Variants in MYCBP2 observed in about 807,000 individuals in gnomAD.
MYCBP2 encodes the protein E3 ubiquitin-protein ligase MYCBP2.
MYCBP2 carries 120 observed loss-of-function variants against 525.3 expected under a neutral mutation model. The ratio of observed to expected loss-of-function variants is 0.23; its 90% confidence interval spans 0.20 to 0.27. The LOEUF is 0.27. Ranked by LOEUF, MYCBP2 falls within the 10% of genes least tolerant of loss-of-function variation. The probability of loss-of-function intolerance (pLI) is 1.00; values close to 1 mark genes in which losing one functional copy is unlikely to be tolerated. For missense variants in MYCBP2, 4,149 were observed against 5,657.1 expected, an observed-to-expected ratio of 0.73 and a Z score of 8.55; for synonymous variants, 1,894 against 1,955.8, an observed-to-expected ratio of 0.97 and a Z score of 0.83.
intron 65 of MYCBP2, among the ~76,000 whole-genome samples, chr13:77,079,678 T>C (rs868092694): frequency 6.6e-5 from 10 of 152,250 alleles, no homozygotes; most frequent in African/African-American, 2.2e-4. Context: ...CTAGAAGTGT[T>C]TTGGATTAGG....
intron 55 of MYCBP2, among the ~76,000 whole-genome samples, chr13:77,112,605 T>A (rs188621957): frequency 2.0e-3 from 301 of 151,748 alleles, no homozygotes; most frequent in Non-Finnish European, 3.0e-3. Flanking sequence ...TTTAAAAAAA[T>A]TTTTCTTAAT....
At position 77,273,612 on chromosome 13, in the gene MYCBP2, T is replaced by C. The variant is rs2075159936; in HGVS notation, c.805A>G (p.Ser269Gly). The C allele has an allele frequency of 6.3e-7, 1 of 1,594,266 alleles. No homozygotes were observed. Among genetic ancestry groups the C allele is most frequent in the East Asian group, 2.2e-5 (1 of 44,496 alleles). The change falls in exon 5 of 83, where the codon AGC becomes GGC. Residue 269 changes from serine to glycine, a missense_variant. Coordinates refer to ENST00000544440, the MANE Select transcript of MYCBP2 (RefSeq NM_015057.5). ...AGTGCTGTTAAGGACTGTCCTGTGC[T>C]GTCATTCATCCCAGTACTTCGAACG... ...ITVRSTGMND[S>G]TGQSLTALSC...
At chr13:77,177,585 G>A (rs1438658568) in intron 35 of MYCBP2, among the ~76,000 whole-genome samples, 163 bp downstream of exon 35, 2 of 152,020 alleles carry the variant, frequency 1.3e-5, no homozygotes, top group East Asian at 1.9e-4. Context: ...GCCTCTCAAA[G>A]AGCTGAGATT....
At chr13:77,311,147 A>G (rs1032827872) in intron 1 of MYCBP2, among the ~76,000 whole-genome samples, 6 of 152,208 alleles carry the variant, frequency 3.9e-5, no homozygotes, top group African/African-American at 1.2e-4. Context: ...TACAACCCAA[A>G]AGTTAAAATT....
At position 77,129,089 on chromosome 13, in the gene MYCBP2, A is replaced by T. The variant is rs561261529; in HGVS notation, c.7660-2547T>A. ...TTAATCTTAAGCAAAGGTTTTAAAG[A>T]CACAAAATTTGTTATACATGCTGAA... On this transcript the variant is annotated intron_variant, in intron 52 of 82. Coordinates refer to ENST00000544440, the MANE Select transcript of MYCBP2 (RefSeq NM_015057.5). 367 of 396,372 alleles carry T rather than the reference A, an allele frequency of 9.3e-4. 2 individuals carry two copies. The highest frequency in any genetic ancestry group is 7.1e-3 in the African/African-American group (347 of 48,646). 24.6% of individuals were successfully genotyped at this position (396,372 alleles called of 1,614,324 possible). A position where few individuals can be genotyped will look rare whatever the true frequency, so the allele number is the denominator to read the frequency against.
At chr13:77,077,495 G>A in intron 66 of MYCBP2, 108 bp from the exon 67 acceptor site, 1 of 1,333,474 alleles carries the variant, frequency 7.5e-7, no homozygotes, top group Non-Finnish European at 1.0e-6. Context: ...GAATTGCACA[G>A]AGTAAAGGTT....
rs149484278 is a variant in MYCBP2 at position 77,183,020 on chromosome 13, T to C, written c.4720-1098A>G. 1.5e-3 allele frequency among the ~76,000 whole-genome samples: 234 copies of C among 152,296 alleles called. 1 individual carries two copies. Among genetic ancestry groups the C allele is most frequent in the African/African-American group, 5.4e-3 (226 of 41,564 alleles). On this transcript the variant is annotated intron_variant, in intron 32 of 82. Coordinates refer to ENST00000544440, the MANE Select transcript of MYCBP2 (RefSeq NM_015057.5). ...TGTTCCTGTAGCTATATGGAGGAAA[T>C]CATCAATTTGCCTTCTTTTTTCAGT... is the stretch of plus-strand genomic sequence containing the variant.
intron 65 of MYCBP2, chr13:77,080,519 C>G (rs2043120451): frequency 6.6e-6 from 1 of 152,000 alleles, no homozygotes; most frequent in African/African-American, 2.4e-5. Context: ...TTGTTTAGTG[C>G]CTTTTATAAA....
intron 13 of MYCBP2, among the ~76,000 whole-genome samples, chr13:77,260,056 T>C (rs962799985): frequency 1.3e-5 from 2 of 152,082 alleles, no homozygotes; most frequent in Non-Finnish European, 2.9e-5. Flanking sequence ...AACACCCTAA[T>C]GGGGGAGATA....
intron 55 of MYCBP2, among the ~76,000 whole-genome samples, chr13:77,116,718 T>A (rs1209698652): frequency 1.3e-5 from 2 of 152,034 alleles, no homozygotes; most frequent in African/African-American, 4.8e-5. Context: ...GTGGTACTGA[T>A]AACACATATG....
At chr13:77,116,583 T>A (rs561944299) in intron 55 of MYCBP2, among the ~76,000 whole-genome samples, 1 of 152,136 alleles carries the variant, frequency 6.6e-6, no homozygotes, top group South Asian at 2.1e-4. Context: ...AATAAGAAGT[T>A]TAAAACAAGA....
At chr13:77,079,913 A>G (rs558173057) in intron 65 of MYCBP2, among the ~76,000 whole-genome samples, 2 of 152,314 alleles carry the variant, frequency 1.3e-5, no homozygotes, top group Admixed American at 1.3e-4. Context: ...GTCAGCTTAC[A>G]TGTTGGGAAT....
intron 23 of MYCBP2, among the ~76,000 whole-genome samples, chr13:77,210,658 T>TC (rs1275227074): frequency 6.6e-6 from 1 of 152,254 alleles, no homozygotes; most frequent in East Asian, 1.9e-4. Context: ...AGCTCAATTA[T>TC]CTTCTTTATT....
In MYCBP2 at chr13:77,177,780, G is replaced by A; in HGVS notation, c.5308C>T (p.His1770Tyr). Residue 1770 changes from histidine to tyrosine, a missense_variant, in exon 35 of 83, where the codon CAT becomes TAT. Around this residue, in one of 21 missense-constraint regions of MYCBP2, gnomAD observed 109 missense variants for 118.9 expected, o/e 0.92. Coordinates refer to ENST00000544440, the MANE Select transcript of MYCBP2 (RefSeq NM_015057.5). ...GFSVYGGGGI[H>Y]EYELEVLVDD... Reference sequence around the variant, plus strand: ...ACCAACACCTCTAATTCATATTCATGAATTCCACCTCCTCCATAGACAGAG... The same window carrying A: ...ACCAACACCTCTAATTCATATTCATAAATTCCACCTCCTCCATAGACAGAG... The A allele has an allele frequency of 6.2e-7, 1 of 1,613,830 alleles. No homozygotes were observed.
chr13:77,201,813 A>G (rs1225541726), intron 26 of MYCBP2, among the ~76,000 whole-genome samples: 3 of 152,242 alleles, frequency 2.0e-5, no homozygotes, highest in Non-Finnish European at 4.4e-5. Context: ...CAATGAAATG[A>G]AGGCAGAAAT....
In MYCBP2 at chr13:77,096,180, G is replaced by A. The variant is rs1180874475; in HGVS notation, c.9954+132C>T. 3.2e-6 allele frequency: 3 copies of A among 935,142 alleles called. No individual in the cohort carries two copies. In the African/African-American group the frequency reaches 5.0e-5, roughly 16 times the overall value. 57.9% of individuals were successfully genotyped at this position (935,142 alleles called of 1,614,324 possible). The stretch of plus-strand genomic sequence containing the variant: ...TAGTACAAATATTAAATTTGTATAT[G>A]ATTTCCATTATAAAAGCTGATCTTT... On this transcript the variant is annotated intron_variant, in intron 57 of 82. Transcript: ENST00000544440.
At chr13:77,057,151 G>T in intron 78 of MYCBP2, 58 bp from the exon 79 acceptor site, 2 of 1,226,262 alleles carry the variant, frequency 1.6e-6, no homozygotes, top group Non-Finnish European at 2.4e-6. Flanking sequence ...ACAGTTGAGT[G>T]ACTGGGAGAT....
intron 23 of MYCBP2, among the ~76,000 whole-genome samples, chr13:77,210,193 A>ATTTTTTTTTCTTTTTT (rs2063806412): frequency 1.3e-5 from 2 of 148,290 alleles, no homozygotes; most frequent in African/African-American, 2.5e-5. Flanking sequence ...CACCACAATA[A>ATTTTTTTTTCTTTTTT]TTTTTTTTTC....
intron 43 of MYCBP2, among the ~76,000 whole-genome samples, chr13:77,162,657 ACT>A (rs1440603933): frequency 3.3e-5 from 5 of 151,374 alleles, no homozygotes; most frequent in Admixed American, 3.3e-4. Context: ...ACATAAACAT[ACT>A]CTTTTTTTTT....
Sources: allele counts gnomAD v4.1 joint callset (sites outside exome capture counted in the v4.1 genomes callset), GRCh38; gene constraint gnomAD v4.1.1; regional missense constraint gnomAD v4.1.1; transcripts MANE v1.5; gene names NCBI Gene and HGNC (gene_info 2026-07-23, HGNC 2026-07-21).